The following GALNTL6 variants were observed in gnomAD, a reference collection of about 807,000 sequenced individuals.
The protein encoded by GALNTL6 is polypeptide N-acetylgalactosaminyltransferase-like 6.
A neutral mutation model predicts 73.7 loss-of-function variants in GALNTL6; 46 were observed. The ratio of observed to expected loss-of-function variants is 0.62; its 90% CI spans 0.49 to 0.80. The LOEUF (loss-of-function observed/expected upper bound fraction) is 0.80. GALNTL6 is among the 30% of genes least tolerant of loss of function. The pLI is 0.00. For synonymous variants in GALNTL6, 259 were observed against 263.7 expected, an observed-to-expected ratio of 0.98 and a Z score of 0.17; for missense variants, 604 against 755.0, an observed-to-expected ratio of 0.80 and a Z score of 2.34.
chr4:172,119,432 G>T (rs1426902709), intron 2 of GALNTL6, among the ~76,000 whole-genome samples: 1 of 152,066 alleles, frequency 6.6e-6, no homozygotes, highest in African/African-American at 2.4e-5. Context: ...ATGCACTCTA[G>T]TACATTCAGA....
At chr4:172,789,109 C>T (rs1039777755) in intron 5 of GALNTL6, among the ~76,000 whole-genome samples, 6 of 152,138 alleles carry the variant, frequency 3.9e-5, no homozygotes, top group Non-Finnish European at 1.5e-5. Flanking sequence ...AACCTGTCTA[C>T]CTGGTGATAA....
At chr4:172,011,275 T>G (rs1740997251) in intron 2 of GALNTL6, among the ~76,000 whole-genome samples, 1 of 152,090 alleles carries the variant, frequency 6.6e-6, no homozygotes, top group African/African-American at 2.4e-5. Flanking sequence ...GTCTGGAGAC[T>G]GAAATTTGCG....
intron 5 of GALNTL6, among the ~76,000 whole-genome samples, chr4:172,549,713 A>G (rs1735889919): frequency 6.6e-6 from 1 of 152,168 alleles, no homozygotes; most frequent in African/African-American, 2.4e-5. Flanking sequence ...TTTTTAAACA[A>G]TATTACAAAT....
In GALNTL6 at chr4:172,882,849, G is replaced by A. The variant is rs1445727813; in HGVS notation, c.983G>A (p.Gly328Asp). The A allele has an allele frequency of 1.9e-6, 3 of 1,613,064 alleles. No individual in the cohort carries two copies. Among genetic ancestry groups the A allele is most frequent in the Admixed American group, 1.7e-5 (1 of 59,976 alleles). ...GATCGGAAATGGTTTTGGGAATTGGGTGGCTATGATCCAGGTTTAGAAATC... is the reference window on the plus strand; with the variant it reads ...GATCGGAAATGGTTTTGGGAATTGGATGGCTATGATCCAGGTTTAGAAATC... ...AVDRKWFWEL[G>D]GYDPGLEIWG... Residue 328 changes from glycine to aspartate, a missense_variant, in exon 8 of 13, where the codon GGT (glycine) becomes GAT (aspartate). Around this residue, in one of 5 missense-constraint regions of GALNTL6, gnomAD observed 179 missense variants for 230.8 expected, o/e 0.78. Coordinates refer to ENST00000506823, the MANE Select transcript of GALNTL6 (RefSeq NM_001034845.3).
intron 5 of GALNTL6, among the ~76,000 whole-genome samples, chr4:172,755,275 T>G (rs78126171): frequency 6.7e-6 from 1 of 148,420 alleles, no homozygotes; most frequent in Non-Finnish European, 1.5e-5. Context: ...GATAGATAAT[T>G]GATAAATAGA....
intron 2 of GALNTL6, among the ~76,000 whole-genome samples, chr4:172,205,559 G>A (rs1736081806): frequency 6.6e-6 from 1 of 152,208 alleles, no homozygotes; most frequent in African/African-American, 2.4e-5. Flanking sequence ...TCAAAGGACA[G>A]TTCTGACAAA....
At chr4:172,755,109 C>T (rs1195576957) in intron 5 of GALNTL6, among the ~76,000 whole-genome samples, 1 of 152,060 alleles carries the variant, frequency 6.6e-6, no homozygotes, top group Admixed American at 6.5e-5. Context: ...CTTTGAGTCA[C>T]AGTACACTGG....
At chr4:172,445,513 C>T (rs950585398) in intron 5 of GALNTL6, among the ~76,000 whole-genome samples, 1 of 152,154 alleles carries the variant, frequency 6.6e-6, no homozygotes, top group African/African-American at 2.4e-5. Flanking sequence ...CATGCACACA[C>T]AATCATTAGC....
chr4:172,926,405 G>A (rs985689497), intron 8 of GALNTL6, among the ~76,000 whole-genome samples: 7 of 152,050 alleles, frequency 4.6e-5, no homozygotes, highest in South Asian at 2.1e-4. Flanking sequence ...TTTCTATTAC[G>A]GCACTTTTCA....
intron 2 of GALNTL6, among the ~76,000 whole-genome samples, chr4:172,111,824 C>A (rs1229165479): frequency 3.9e-5 from 6 of 151,964 alleles, no homozygotes; most frequent in Non-Finnish European, 7.4e-5. Flanking sequence ...TGCATACATA[C>A]CTGCTGCCCC....
At chr4:172,934,628 A>G (rs1261742800) in intron 9 of GALNTL6, among the ~76,000 whole-genome samples, 1 of 150,336 alleles carries the variant, frequency 6.7e-6, no homozygotes, top group Non-Finnish European at 1.5e-5. Context: ...CTCGGGGCCT[A>G]TTGTCAGCAC....
Position 172,768,412 on chromosome 4 carries a change from C to T in GALNTL6, c.554-40949C>T, listed in dbSNP as rs116087732. On this transcript the variant is annotated intron_variant, in intron 5 of 12. Transcript: ENST00000506823. ...GTGGGAACTTGACCTCAGCCAGTAT[C>T]CAGGCTCTTGACACCATTGTGAGAA... 1.7e-3 allele frequency among the ~76,000 whole-genome samples: 264 copies of T among 152,218 alleles called. 1 individual carries two copies. Among genetic ancestry groups the T allele is most frequent in the African/African-American group, 5.8e-3 (240 of 41,530 alleles).
At chr4:171,973,159 G>A (rs1446951626) in intron 2 of GALNTL6, among the ~76,000 whole-genome samples, 1 of 152,142 alleles carries the variant, frequency 6.6e-6, no homozygotes, top group Non-Finnish European at 1.5e-5. Flanking sequence ...TGTGGGAGAA[G>A]TGTCAGATAT....
intron 2 of GALNTL6, among the ~76,000 whole-genome samples, chr4:172,023,403 A>G (rs2110805361): frequency 6.6e-6 from 1 of 152,030 alleles, no homozygotes; most frequent in South Asian, 2.1e-4. Flanking sequence ...ATCAAGTATA[A>G]AAAAGTAAAA....
chr4:172,659,053 T>A lies in GALNTL6; in HGVS notation c.554-150308T>A, dbSNP rs571405089. Among the ~76,000 whole-genome samples the A allele has an allele frequency of 1.6e-4, 25 of 152,310 alleles. No individual in the cohort carries two copies. In the South Asian group the frequency reaches 3.1e-3, roughly 19 times the overall value. On this transcript the variant is annotated intron_variant, in intron 5 of 12. Coordinates refer to ENST00000506823, the MANE Select transcript of GALNTL6 (RefSeq NM_001034845.3). ...TTGTAAGCAGCATACATGTATTCGATCATTTAATCCTATCTCATCCACACA... is the reference window on the plus strand; with the variant it reads ...TTGTAAGCAGCATACATGTATTCGAACATTTAATCCTATCTCATCCACACA...
At chr4:172,414,480 T>TTTC (rs1198461899) in intron 5 of GALNTL6, among the ~76,000 whole-genome samples, 1 of 152,134 alleles carries the variant, frequency 6.6e-6, no homozygotes, top group Non-Finnish European at 1.5e-5. Flanking sequence ...CGCTGTAGAT[T>TTTC]TTCTTTCAAT....
chr4:172,554,800 G>A (rs553904321), intron 5 of GALNTL6, among the ~76,000 whole-genome samples: 2 of 152,248 alleles, frequency 1.3e-5, no homozygotes, highest in South Asian at 4.1e-4. Flanking sequence ...TGCGCAATTT[G>A]TCCATTCTAC....
chr4:171,814,863 G>C (rs1177672360), intron 2 of GALNTL6, 145 bp downstream of exon 2: 1 of 734,768 alleles, frequency 1.4e-6, no homozygotes, highest in African/African-American at 1.8e-5. Context: ...TAGAGACTTT[G>C]GGGTTTAAGC....
At chr4:171,965,643 G>A (rs4692909) in intron 2 of GALNTL6, among the ~76,000 whole-genome samples, 60,584 of 126,122 alleles carry the variant, frequency 0.48, 15,661 homozygotes, top group Admixed American at 0.62. Flanking sequence ...GCGACAGAGC[G>A]AGACTCCGTC....
Sources: allele counts gnomAD v4.1 joint callset (sites outside exome capture counted in the v4.1 genomes callset), GRCh38; gene constraint gnomAD v4.1.1; regional missense constraint gnomAD v4.1.1; transcripts MANE v1.5; gene names NCBI Gene and HGNC (gene_info 2026-07-23, HGNC 2026-07-21).